ARHGAP12: variants seen among roughly 807,000 people sequenced by gnomAD.
The protein encoded by ARHGAP12 is rho GTPase-activating protein 12.
A neutral mutation model predicts 108.6 loss-of-function variants in ARHGAP12; 64 were observed. The observed-to-expected ratio is 0.59, with a 90% confidence interval of 0.48 to 0.73. The LOEUF (loss-of-function observed/expected upper bound fraction) is 0.73, where lower values mean the gene tolerates loss of function less well. Ranked by LOEUF, ARHGAP12 falls within the 30% of genes least tolerant of loss-of-function variation. The pLI is 0.00. For synonymous variants in ARHGAP12, 312 were observed against 337.2 expected (o/e 0.93, Z 0.82); for missense variants, 940 against 1,005.9 (o/e 0.93, Z 0.89).
chr10:31,920,449 C>CAAAAAAAAAAAAAAAAAAAAAAAA (rs71027040), intron 1 of ARHGAP12, among the ~76,000 whole-genome samples: 8 of 59,594 alleles, frequency 1.3e-4, no homozygotes, highest in Admixed American at 2.3e-4. Context: ...GACTCCGTCT[C>CAAAAAAAAAAAAAAAAAAAAAAAA]AAAAAAAAAA....
At chr10:31,886,441 C>T (rs2808076) in intron 3 of ARHGAP12, among the ~76,000 whole-genome samples, 1,661 of 152,098 alleles carry the variant, frequency 0.011, 19 homozygotes, top group Non-Finnish European at 0.019. Context: ...GTGACTTTGG[C>T]CTTTAAATAT....
chr10:31,857,675 A>C (rs1195523290), intron 4 of ARHGAP12, among the ~76,000 whole-genome samples: 1 of 152,220 alleles, frequency 6.6e-6, no homozygotes, highest in Non-Finnish European at 1.5e-5. Context: ...TGCCAACAAA[A>C]AGAGACAAAC....
In ARHGAP12 at chr10:31,923,132, GAAAAAAA is replaced by G. The variant is rs58930834; in HGVS notation, c.-111+5544_-111+5550del. On this transcript the variant is annotated intron_variant, in intron 1 of 19. Coordinates refer to ENST00000344936, the MANE Select transcript of ARHGAP12 (RefSeq NM_018287.7). ...GGGTGACAGAGCAAGACCCTAACAGGAAAAAAAAAAAAAAAAAAAACAGGCAAAATAT... is the reference window on the plus strand; with the variant it reads ...GGGTGACAGAGCAAGACCCTAACAGGAAAAAAAAAAAAACAGGCAAAATAT... 2.8e-3 allele frequency among the ~76,000 whole-genome samples: 236 copies of G among 83,218 alleles called. 4 individuals carry two copies. The highest frequency in any genetic ancestry group is 0.012 in the African/African-American group (223 of 18,128). The allele number at this position is 83,218 out of a possible 152,430, so 54.6% of individuals were successfully genotyped here.
chr10:31,922,070 T>G (rs1274151480), intron 1 of ARHGAP12, among the ~76,000 whole-genome samples: 1 of 150,292 alleles, frequency 6.7e-6, no homozygotes, highest in African/African-American at 2.4e-5. Context: ...CATGTGCCTG[T>G]GGTCCCAGCT....
intron 11 of ARHGAP12, among the ~76,000 whole-genome samples, chr10:31,820,979 G>A (rs1295545404): frequency 2.0e-5 from 3 of 152,036 alleles, no homozygotes; most frequent in Non-Finnish European, 4.4e-5. Context: ...AAAATGCTAT[G>A]TACACAAAGG....
At chr10:31,839,576 C>G in intron 8 of ARHGAP12, 61 bp downstream of exon 8, 1 of 1,428,774 alleles carries the variant, frequency 7.0e-7, no homozygotes. Context: ...AGTAAATTAA[C>G]TTGCTAAAAT....
intron 3 of ARHGAP12, among the ~76,000 whole-genome samples, chr10:31,865,990 A>G (rs1436033578): frequency 2.6e-5 from 4 of 152,226 alleles, no homozygotes; most frequent in African/African-American, 2.4e-5. Context: ...AACCCTGGAA[A>G]ATACTAAGCT....
chr10:31,826,468 T>C, intron 10 of ARHGAP12, 83 bp from the exon 11 acceptor site: 1 of 978,706 alleles, frequency 1.0e-6, no homozygotes. Flanking sequence ...TACTTAGCTC[T>C]TATCAATGTT....
At chr10:31,828,901 T>C (rs1341776463) in intron 10 of ARHGAP12, among the ~76,000 whole-genome samples, 1 of 152,186 alleles carries the variant, frequency 6.6e-6, no homozygotes, top group East Asian at 1.9e-4. Context: ...CCTGCAATCC[T>C]AGCACTTTGG....
At chr10:31,907,529 GA>G (rs1401466316) in intron 3 of ARHGAP12, among the ~76,000 whole-genome samples, 1 of 151,708 alleles carries the variant, frequency 6.6e-6, no homozygotes, top group Non-Finnish European at 1.5e-5. Context: ...AGCTACTGGG[GA>G]AGCTGAGGTG....
chr10:31,923,614 T>C (rs1245310650), intron 1 of ARHGAP12, among the ~76,000 whole-genome samples: 2 of 152,236 alleles, frequency 1.3e-5, no homozygotes, highest in East Asian at 1.9e-4. Context: ...GAACGAACTG[T>C]TGATACACAC....
chr10:31,905,614 TTTAC>T (rs1435358552), intron 3 of ARHGAP12, among the ~76,000 whole-genome samples: 2 of 151,472 alleles, frequency 1.3e-5, no homozygotes, highest in Non-Finnish European at 2.9e-5. Flanking sequence ...GAAGAAGAGC[TTTAC>T]TAAGATGAGA....
intron 9 of ARHGAP12, among the ~76,000 whole-genome samples, chr10:31,833,163 T>C (rs968049913): frequency 2.0e-5 from 3 of 151,962 alleles, no homozygotes; most frequent in African/African-American, 7.3e-5. Context: ...ATTTGCCGCC[T>C]GCACCCCTCA....
intron 5 of ARHGAP12, 84 bp downstream of exon 5, chr10:31,853,982 T>C: frequency 7.2e-7 from 1 of 1,387,904 alleles, no homozygotes. Context: ...AGTTTTTTCT[T>C]TTTTAAATAC....
chr10:31,839,294 T>C lies in ARHGAP12; in HGVS notation c.1386+11A>G. On this transcript the variant is annotated intron_variant, in intron 9 of 19. Transcript: ENST00000344936. ...TCTATGCCTATTAAGAAGGAGAGGA[T>C]TGCTTCTTACCTTTGGACTGCTGGC... 1.2e-6 allele frequency: 2 copies of C among 1,606,982 alleles called. No individual in the cohort carries two copies. Among genetic ancestry groups the C allele is most frequent in the South Asian group, 1.1e-5 (1 of 90,488 alleles).
At chr10:31,881,178 T>A (rs1837941104) in intron 3 of ARHGAP12, among the ~76,000 whole-genome samples, 1 of 151,400 alleles carries the variant, frequency 6.6e-6, no homozygotes, top group African/African-American at 2.4e-5. Context: ...AAAAAAAACT[T>A]ACCACATCAG....
intron 4 of ARHGAP12, among the ~76,000 whole-genome samples, chr10:31,856,591 T>C (rs1836895759): frequency 6.6e-6 from 1 of 152,172 alleles, no homozygotes; most frequent in African/African-American, 2.4e-5. Flanking sequence ...ACTACCTGGG[T>C]GGCTTGTAAA....
chr10:31,841,138 A>G (rs1318770905), intron 7 of ARHGAP12, among the ~76,000 whole-genome samples: 15 of 152,190 alleles, frequency 9.9e-5, no homozygotes, highest in Non-Finnish European at 1.6e-4. Flanking sequence ...TATAACTATT[A>G]TAAACAAGAA....
chr10:31,871,758 AG>A (rs1254640828), intron 3 of ARHGAP12, among the ~76,000 whole-genome samples: 1 of 152,214 alleles, frequency 6.6e-6, no homozygotes, highest in Non-Finnish European at 1.5e-5. Context: ...ATCTGTATCT[AG>A]ACGGTTGACA....
Sources: gnomAD v4.1 joint callset for allele counts (sites outside exome capture counted in the v4.1 genomes callset) on GRCh38, gnomAD v4.1.1 for gene constraint, MANE v1.5 for transcripts, NCBI Gene and HGNC (gene_info 2026-07-23, HGNC 2026-07-21) for gene names.